LRRC7: variants seen among roughly 807,000 people sequenced by gnomAD.
LRRC7 encodes leucine-rich repeat-containing protein 7.
Under a neutral mutation model 175.7 loss-of-function variants are expected in LRRC7, and 23 were observed. That is an observed-to-expected ratio of 0.13 (90% confidence interval 0.09 to 0.19). The LOEUF is 0.19. Among genes scored for constraint, LRRC7 ranks in the 10% least tolerant of loss-of-function variants. The pLI, the probability that LRRC7 is intolerant of heterozygous loss-of-function variation, is 1.00. For synonymous variants in LRRC7, 685 were observed against 680.9 expected, an observed-to-expected ratio of 1.01 and a Z score of -0.09; for missense variants, 1,354 against 1,904.7, an observed-to-expected ratio of 0.71 and a Z score of 5.38.
intron 17 of LRRC7, 115 bp downstream of exon 17, chr1:70,023,489 C>T (rs951653103): frequency 3.0e-5 from 33 of 1,111,698 alleles, no homozygotes; most frequent in Non-Finnish European, 4.0e-5. Flanking sequence ...CACATAGAAA[C>T]CTTCAAATTG....
chr1:70,001,510 T>C (rs897085148), intron 11 of LRRC7, among the ~76,000 whole-genome samples: 4 of 152,206 alleles, frequency 2.6e-5, no homozygotes, highest in African/African-American at 4.8e-5. Flanking sequence ...GTTTCATAAA[T>C]GGCCAAACGA....
At chr1:69,632,664 T>G (rs1652701469) in intron 1 of LRRC7, among the ~76,000 whole-genome samples, 1 of 152,088 alleles carries the variant, frequency 6.6e-6, no homozygotes, top group Non-Finnish European at 1.5e-5. Flanking sequence ...GAGTGAGTGA[T>G]TGAGTTAATG....
intron 18 of LRRC7, among the ~76,000 whole-genome samples, chr1:70,029,726 T>C (rs1033469797): frequency 4.6e-5 from 7 of 152,232 alleles, no homozygotes; most frequent in African/African-American, 1.7e-4. Flanking sequence ...CAGTTTAACA[T>C]CAAAATAACT....
At chr1:69,915,371 ATAAAT>A (rs1405635886) in intron 7 of LRRC7, among the ~76,000 whole-genome samples, 1 of 152,202 alleles carries the variant, frequency 6.6e-6, no homozygotes, top group African/African-American at 2.4e-5. Flanking sequence ...CTGTGTTTTC[ATAAAT>A]TAAGTATGTC....
chr1:70,018,193 G>A (rs1156711223), intron 14 of LRRC7, among the ~76,000 whole-genome samples: 1 of 151,928 alleles, frequency 6.6e-6, no homozygotes. Flanking sequence ...ATGCACAGAG[G>A]TCAATATATT....
intron 8 of LRRC7, among the ~76,000 whole-genome samples, chr1:69,957,502 T>C (rs187878473): frequency 1.3e-5 from 2 of 151,874 alleles, no homozygotes; most frequent in Non-Finnish European, 2.9e-5. Context: ...GGTGATATAA[T>C]TTTTTTGTTA....
intron 26 of LRRC7, among the ~76,000 whole-genome samples, chr1:70,109,639 A>G (rs897159796): frequency 3.9e-5 from 6 of 152,214 alleles, no homozygotes; most frequent in Non-Finnish European, 7.3e-5. Flanking sequence ...AATAATGTCT[A>G]TGGGCCTCAA....
At chr1:69,588,227 ATTG>A (rs1429705922) in intron 1 of LRRC7, among the ~76,000 whole-genome samples, 1 of 152,150 alleles carries the variant, frequency 6.6e-6, no homozygotes, top group Non-Finnish European at 1.5e-5. Context: ...TTATATTTTA[ATTG>A]TTGATGTGTC....
chr1:69,825,934 C>A, intron 5 of LRRC7, 108 bp downstream of exon 5: 3 of 591,908 alleles, frequency 5.1e-6, no homozygotes, highest in Non-Finnish European at 5.4e-6. Flanking sequence ...GTAGCATTGA[C>A]ATAGCATTTA....
chr1:69,620,503 A>C (rs1925351), intron 1 of LRRC7, among the ~76,000 whole-genome samples: 19,517 of 152,164 alleles, frequency 0.13, 1,595 homozygotes, highest in South Asian at 0.19. Flanking sequence ...TGGTCCCAAA[A>C]TGACACATAC....
At chr1:69,591,006 GT>G (rs996059533) in intron 1 of LRRC7, among the ~76,000 whole-genome samples, 4 of 152,052 alleles carry the variant, frequency 2.6e-5, no homozygotes, top group Non-Finnish European at 5.9e-5. Context: ...AACTATAACT[GT>G]TTTTTAAATA....
chr1:69,856,285 A>C (rs1030257826), intron 7 of LRRC7, among the ~76,000 whole-genome samples: 3 of 152,206 alleles, frequency 2.0e-5, no homozygotes, highest in African/African-American at 7.2e-5. Context: ...AAGGAGATAG[A>C]AACACAAAAA....
intron 2 of LRRC7, among the ~76,000 whole-genome samples, chr1:69,745,740 T>G (rs1214716191): frequency 1.3e-5 from 2 of 151,720 alleles, no homozygotes; most frequent in East Asian, 3.9e-4. Flanking sequence ...TGTGTGTTTG[T>G]GTATGTATTT....
At chr1:70,009,091 C>T (rs1220808881) in intron 11 of LRRC7, among the ~76,000 whole-genome samples, 1 of 152,014 alleles carries the variant, frequency 6.6e-6, no homozygotes, top group Non-Finnish European at 1.5e-5. Flanking sequence ...AGACTAACTT[C>T]AATACATGTT....
At chr1:69,574,413 T>C (rs1557655663) in intron 1 of LRRC7, among the ~76,000 whole-genome samples, 1 of 152,086 alleles carries the variant, frequency 6.6e-6, no homozygotes, top group Non-Finnish European at 1.5e-5. Flanking sequence ...TTGAAAAAGA[T>C]AAGAATACTC....
intron 2 of LRRC7, among the ~76,000 whole-genome samples, chr1:69,695,278 T>C (rs896531870): frequency 6.6e-6 from 1 of 152,228 alleles, no homozygotes; most frequent in African/African-American, 2.4e-5. Flanking sequence ...TTTGAACTTA[T>C]GAGTGATGAC....
intron 2 of LRRC7, among the ~76,000 whole-genome samples, chr1:69,734,233 G>T (rs1277117425): frequency 1.3e-5 from 2 of 151,740 alleles, no homozygotes; most frequent in Non-Finnish European, 2.9e-5. Context: ...TGCCGTCATA[G>T]ATTACCCCTA....
chr1:69,932,997 A>G (rs746681077), intron 8 of LRRC7, among the ~76,000 whole-genome samples: 5 of 152,220 alleles, frequency 3.3e-5, no homozygotes, highest in Non-Finnish European at 7.3e-5. Context: ...GGGCATTGCT[A>G]TACTCAGCTC....
chr1:69,857,860 C>A (rs1046970624), intron 7 of LRRC7, among the ~76,000 whole-genome samples: 53 of 152,106 alleles, frequency 3.5e-4, no homozygotes, highest in Admixed American at 1.4e-3. Flanking sequence ...ACTTCAAACT[C>A]TACTACAAGG....
Sources: allele counts gnomAD v4.1 joint callset (sites outside exome capture counted in the v4.1 genomes callset), GRCh38; gene constraint gnomAD v4.1.1; transcripts MANE v1.5; gene names NCBI Gene and HGNC (gene_info 2026-07-23, HGNC 2026-07-21).